The following DDX10 variants were observed in gnomAD, a reference collection of about 807,000 sequenced individuals.
DDX10 encodes the protein probable ATP-dependent RNA helicase DDX10.
DDX10 carries 74 observed loss-of-function variants against 104.3 expected under a neutral mutation model. That is an observed-to-expected ratio of 0.71 (90% CI 0.59 to 0.86). The LOEUF (loss-of-function observed/expected upper bound fraction) is 0.86, where lower values mean the gene tolerates loss of function less well. Ranked by LOEUF, DDX10 falls within the 40% of genes least tolerant of loss-of-function variation. The pLI, the probability that DDX10 is intolerant of heterozygous loss-of-function variation, is 0.00. For missense variants in DDX10, 952 were observed against 1,040.0 expected, an observed-to-expected ratio of 0.92 and a Z score of 1.16; for synonymous variants, 351 against 353.4, an observed-to-expected ratio of 0.99 and a Z score of 0.08.
intron 13 of DDX10, chr11:108,767,194 A>G (rs1293082726): frequency 6.6e-6 from 1 of 152,188 alleles, no homozygotes; most frequent in Non-Finnish European, 1.5e-5. Flanking sequence ...TATCTTACTG[A>G]TTATTGGAAG....
chr11:108,885,912 A>G (rs892533154), intron 16 of DDX10, among the ~76,000 whole-genome samples: 9 of 152,288 alleles, frequency 5.9e-5, no homozygotes, highest in African/African-American at 2.2e-4. Flanking sequence ...AAAATCTTCT[A>G]TTTATTACAC....
At chr11:108,936,520 G>T (rs1815982506) in intron 17 of DDX10, among the ~76,000 whole-genome samples, 1 of 151,792 alleles carries the variant, frequency 6.6e-6, no homozygotes, top group Non-Finnish European at 1.5e-5. Context: ...ACAGCAAAAA[G>T]AAAATTAAAA....
At chr11:108,665,442 AC>A (rs775268961) in intron 1 of DDX10, 103 bp downstream of exon 1, 1 of 1,358,334 alleles carries the variant, frequency 7.4e-7, no homozygotes, top group Non-Finnish European at 9.8e-7. Context: ...TGTCACCGGG[AC>A]CCGGCCGGGA....
chr11:108,932,306 T>C (rs1321545918), intron 17 of DDX10, among the ~76,000 whole-genome samples: 1 of 151,972 alleles, frequency 6.6e-6, no homozygotes, highest in Non-Finnish European at 1.5e-5. Flanking sequence ...TTATATACTT[T>C]GCAAAATTTA....
rs887612537 is a variant in DDX10, at chr11:108,873,929, G to C, written c.2304+21720G>C. Among the ~76,000 whole-genome samples the C allele has an allele frequency of 1.3e-5, 2 of 152,094 alleles. 1 individual carries two copies. Among genetic ancestry groups the C allele is most frequent in the South Asian group, 4.2e-4 (2 of 4,816 alleles). On this transcript the variant is annotated intron_variant, in intron 16 of 17. Transcript: ENST00000322536. ...GACTAAATTGGATCAAACAGTACAT[G>C]AACTTGTTTCATTCAAATAATTGCA...
At chr11:108,932,035 A>G (rs975468058) in intron 17 of DDX10, among the ~76,000 whole-genome samples, 1 of 151,894 alleles carries the variant, frequency 6.6e-6, no homozygotes, top group Non-Finnish European at 1.5e-5. Context: ...AGCAAGGTAT[A>G]AAATATAAAA....
intron 13 of DDX10, among the ~76,000 whole-genome samples, chr11:108,726,395 T>G (rs2094305502): frequency 6.6e-6 from 1 of 152,138 alleles, no homozygotes; most frequent in Non-Finnish European, 1.5e-5. Flanking sequence ...TTTATAACTT[T>G]AAGCACATGT....
intron 13 of DDX10, among the ~76,000 whole-genome samples, chr11:108,754,636 C>T (rs2726890): frequency 0.62 from 94,597 of 151,822 alleles, 32,659 homozygotes; most frequent in South Asian, 0.74. Context: ...AGGGTCAAAA[C>T]TAGAGTATAG....
chr11:108,754,458 A>G (rs1363588344), intron 13 of DDX10, among the ~76,000 whole-genome samples: 1 of 152,062 alleles, frequency 6.6e-6, no homozygotes, highest in Admixed American at 6.6e-5. Flanking sequence ...GGAAGAAAAT[A>G]TTAGAACTTG....
chr11:108,940,144 T>C, intron 17 of DDX10, 102 bp from the exon 18 acceptor site: 1 of 1,264,850 alleles, frequency 7.9e-7, no homozygotes, highest in African/African-American at 1.5e-5. Flanking sequence ...TCCTTCATTC[T>C]TGAATAATAT....
chr11:108,902,630 A>G (rs1006632502), intron 16 of DDX10, among the ~76,000 whole-genome samples: 14 of 152,134 alleles, frequency 9.2e-5, no homozygotes, highest in African/African-American at 3.4e-4. Flanking sequence ...CACTTTGTTA[A>G]CTTTAAGTGA....
intron 17 of DDX10, among the ~76,000 whole-genome samples, chr11:108,939,132 T>A (rs1864072111): frequency 6.6e-6 from 1 of 152,248 alleles, no homozygotes. Context: ...ATAATCCCTG[T>A]CTTTACAAAT....
At chr11:108,673,276 T>G (rs1285826886) in intron 1 of DDX10, among the ~76,000 whole-genome samples, 191 bp from the exon 2 acceptor site, 4 of 152,178 alleles carry the variant, frequency 2.6e-5, no homozygotes, top group Non-Finnish European at 5.9e-5. Flanking sequence ...TGCTTACAAA[T>G]GTATATTCGA....
intron 13 of DDX10, among the ~76,000 whole-genome samples, chr11:108,827,523 C>T (rs1862411916): frequency 6.6e-6 from 1 of 152,140 alleles, no homozygotes; most frequent in Non-Finnish European, 1.5e-5. Flanking sequence ...TTCTATTAAA[C>T]CTTTAAACAT....
intron 1 of DDX10, among the ~76,000 whole-genome samples, chr11:108,671,649 T>A (rs1200242116): frequency 2.0e-5 from 3 of 152,148 alleles, no homozygotes; most frequent in African/African-American, 7.2e-5. Context: ...AATAAATGAA[T>A]TATTGTAGTT....
At chr11:108,920,137 G>A (rs1863804137) in intron 17 of DDX10, 1 of 152,074 alleles carries the variant, frequency 6.6e-6, no homozygotes, top group Non-Finnish European at 1.5e-5. Flanking sequence ...AATATTAATA[G>A]GTTAAATGAT....
chr11:108,753,739 CT>C (rs954840689), intron 13 of DDX10, among the ~76,000 whole-genome samples: 1 of 151,954 alleles, frequency 6.6e-6, no homozygotes, highest in African/African-American at 2.4e-5. Flanking sequence ...CAAAAGTATT[CT>C]GAAATGAATC....
chr11:108,691,352 A>G (rs542384256), intron 7 of DDX10, among the ~76,000 whole-genome samples: 2 of 152,226 alleles, frequency 1.3e-5, no homozygotes, highest in South Asian at 2.1e-4. Flanking sequence ...AACTCTTTTC[A>G]GTCTAGTAAT....
At chr11:108,871,278 A>T (rs907001043) in intron 16 of DDX10, among the ~76,000 whole-genome samples, 4 of 152,196 alleles carry the variant, frequency 2.6e-5, no homozygotes, top group African/African-American at 9.7e-5. Flanking sequence ...AATTGTACCA[A>T]AACAACTGTC....
Sources: allele counts gnomAD v4.1 joint callset (sites outside exome capture counted in the v4.1 genomes callset), GRCh38; gene constraint gnomAD v4.1.1; transcripts MANE v1.5; gene names NCBI Gene and HGNC (gene_info 2026-07-23, HGNC 2026-07-21).